Variants in FIRRM observed in about 807,000 individuals in gnomAD.
The protein encoded by FIRRM is FIGNL1 interacting regulator of recombination and mitosis, also known as FIGNL1-interacting regulator of recombination and mitosis.
the FIRRM span, among the ~76,000 whole-genome samples, chr1:169,845,843 C>T: frequency 1.3e-5 from 2 of 152,150 alleles, no homozygotes; most frequent in South Asian, 4.1e-4. Context: ...CTTCTAATTC[C>T]TGTTAATGTT....
At chr1:169,820,582 G>A in the FIRRM span, among the ~76,000 whole-genome samples, 6 of 152,144 alleles carry the variant, frequency 3.9e-5, no homozygotes, top group African/African-American at 9.7e-5. Flanking sequence ...AAGTTGGGCC[G>A]CAAACCAAAG....
At chr1:169,853,938 G>T in the FIRRM span, 1 of 759,466 alleles carries the variant, frequency 1.3e-6, no homozygotes, top group Non-Finnish European at 2.1e-6. Context: ...TGAAAAGTAG[G>T]ATTACAAAAC....
the FIRRM span, among the ~76,000 whole-genome samples, chr1:169,842,696 G>A: frequency 4.6e-5 from 7 of 152,070 alleles, no homozygotes; most frequent in Non-Finnish European, 1.0e-4. Context: ...ACTCTCTCAC[G>A]CAGCTTTTTC....
At chr1:169,799,416 G>C in the FIRRM span, among the ~76,000 whole-genome samples, 1 of 152,140 alleles carries the variant, frequency 6.6e-6, no homozygotes, top group Non-Finnish European at 1.5e-5. Context: ...TACTTGATGA[G>C]ATTCATTCTT....
the FIRRM span, chr1:169,795,858 CTTG>C: frequency 7.1e-6 from 7 of 985,056 alleles, no homozygotes; most frequent in South Asian, 9.4e-5. Flanking sequence ...AGTTCTTCCG[CTTG>C]TTGTTGGCTT....
chr1:169,832,265 A>C, the FIRRM span: 9 of 536,452 alleles, frequency 1.7e-5, no homozygotes, highest in Middle Eastern at 3.4e-4. Context: ...GATTCATTGA[A>C]GATAAGAAAA....
At chr1:169,836,678 T>A in the FIRRM span, among the ~76,000 whole-genome samples, 1 of 152,200 alleles carries the variant, frequency 6.6e-6, no homozygotes, top group Non-Finnish European at 1.5e-5. Flanking sequence ...AATACATTAT[T>A]TAATGTCTTG....
chr1:169,809,805 A>G, the FIRRM span, among the ~76,000 whole-genome samples: 6 of 152,158 alleles, frequency 3.9e-5, no homozygotes, highest in Non-Finnish European at 8.8e-5. Flanking sequence ...CTGATCAGCG[A>G]CGCCCTCTGC....
chr1:169,802,835 AATTAAATTT>A, the FIRRM span: 1 of 639,800 alleles, frequency 1.6e-6, no homozygotes, highest in South Asian at 2.1e-5. Flanking sequence ...CTAATGTTGG[AATTAAATTT>A]ATAGAATTAA....
chr1:169,853,041 T>C, the FIRRM span: 18 of 1,550,368 alleles, frequency 1.2e-5, no homozygotes, highest in African/African-American at 6.8e-5. Flanking sequence ...AAAATACTTA[T>C]GTCTGTACAT....
the FIRRM span, among the ~76,000 whole-genome samples, chr1:169,818,893 G>T: frequency 7.2e-5 from 11 of 152,036 alleles, no homozygotes; most frequent in African/African-American, 2.7e-4. Context: ...CGCCATGTTG[G>T]CCAGGCTGGT....
the FIRRM span, chr1:169,832,413 C>G: frequency 1.2e-6 from 2 of 1,605,786 alleles, no homozygotes; most frequent in Non-Finnish European, 1.7e-6. Context: ...ATGTCTTTTT[C>G]CAGATAAAGT....
At chr1:169,807,961 C>A in the FIRRM span, 1 of 1,585,234 alleles carries the variant, frequency 6.3e-7, no homozygotes, top group South Asian at 1.2e-5. Context: ...TTTTAAACAG[C>A]AACTCTTATT....
chr1:169,834,686 T>C, the FIRRM span, among the ~76,000 whole-genome samples: 2 of 152,092 alleles, frequency 1.3e-5, no homozygotes, highest in African/African-American at 4.8e-5. Flanking sequence ...ACAGCTGATC[T>C]GGGATGCTGA....
the FIRRM span, among the ~76,000 whole-genome samples, chr1:169,804,874 G>A: frequency 6.6e-6 from 1 of 152,022 alleles, no homozygotes; most frequent in African/African-American, 2.4e-5. Flanking sequence ...GTAGAGACAG[G>A]GTTTCACCGT....
At chr1:169,804,136 T>A in the FIRRM span, 1 of 1,589,082 alleles carries the variant, frequency 6.3e-7, no homozygotes, top group Non-Finnish European at 8.6e-7. Context: ...CAGGCTCTTT[T>A]CAAGGAGGCC....
At chr1:169,821,808 A>G in the FIRRM span, 3 of 1,287,922 alleles carry the variant, frequency 2.3e-6, no homozygotes, top group South Asian at 2.5e-5. Context: ...TCTCTCAGAA[A>G]ACGAATTATT....
the FIRRM span, among the ~76,000 whole-genome samples, chr1:169,821,123 T>A: frequency 1.3e-5 from 2 of 152,218 alleles, no homozygotes; most frequent in Non-Finnish European, 2.9e-5. Context: ...CTTACTTCCT[T>A]ACTAGTGCAG....
At chr1:169,849,743 T>C in the FIRRM span, 1 of 641,490 alleles carries the variant, frequency 1.6e-6, no homozygotes, top group Non-Finnish European at 2.7e-6. Flanking sequence ...TTACTCGTTA[T>C]CTCTTTTACA....
Sources: allele counts gnomAD v4.1 joint callset (sites outside exome capture counted in the v4.1 genomes callset), GRCh38; gene constraint gnomAD v4.1.1; transcripts MANE v1.5; gene names NCBI Gene and HGNC (gene_info 2026-07-23, HGNC 2026-07-21).